SLC26A7: variants seen among roughly 807,000 people sequenced by gnomAD.
SLC26A7 encodes the protein solute carrier family 26 member 7, also known as anion exchange transporter.
SLC26A7 carries 59 observed loss-of-function variants against 82.5 expected under a neutral mutation model. The observed-to-expected ratio is 0.72, with a 90% CI of 0.58 to 0.89. The LOEUF (loss-of-function observed/expected upper bound fraction) is 0.89. Ranked by LOEUF, SLC26A7 falls within the 40% of genes least tolerant of loss-of-function variation. The probability of loss-of-function intolerance (pLI) is 0.00; values close to 1 mark genes in which losing one functional copy is unlikely to be tolerated. For synonymous variants in SLC26A7, 271 were observed against 274.3 expected (o/e 0.99, Z 0.12); for missense variants, 820 against 793.0 (o/e 1.03, Z -0.41).
chr8:91,371,885 A>G (rs1814373186), intron 15 of SLC26A7, among the ~76,000 whole-genome samples: 1 of 151,940 alleles, frequency 6.6e-6, no homozygotes, highest in Admixed American at 6.6e-5. Flanking sequence ...TTTTCTCCAT[A>G]TACTTACCAA....
chr8:91,322,614 C>T (rs1812822949), intron 5 of SLC26A7, among the ~76,000 whole-genome samples: 5 of 152,142 alleles, frequency 3.3e-5, no homozygotes, highest in Non-Finnish European at 5.9e-5. Context: ...ATTCCTAGTT[C>T]GTATTAGCAC....
chr8:91,295,053 G>T (rs1181492775), intron 3 of SLC26A7, among the ~76,000 whole-genome samples: 2 of 152,116 alleles, frequency 1.3e-5, no homozygotes, highest in African/African-American at 2.4e-5. Flanking sequence ...CAGGGAAAAA[G>T]CTGAATTTAC....
intron 4 of SLC26A7, among the ~76,000 whole-genome samples, chr8:91,305,160 A>G (rs1411403065): frequency 3.3e-5 from 5 of 152,174 alleles, no homozygotes; most frequent in African/African-American, 1.2e-4. Context: ...ATGTGAGTTG[A>G]TTAAATTGAA....
At chr8:91,295,725 G>A in intron 4 of SLC26A7, 22 bp downstream of exon 4, 1 of 1,609,894 alleles carries the variant, frequency 6.2e-7, no homozygotes, top group Non-Finnish European at 8.5e-7. Flanking sequence ...TGACACTTGA[G>A]CACAAAGAAA....
At chr8:91,264,980 A>C (rs1390404644) in intron 2 of SLC26A7, among the ~76,000 whole-genome samples, 1 of 151,850 alleles carries the variant, frequency 6.6e-6, no homozygotes. Context: ...TGAACACCAA[A>C]ATTTATTCTC....
chr8:91,315,168 C>G (rs1812593498), intron 4 of SLC26A7, among the ~76,000 whole-genome samples: 1 of 152,178 alleles, frequency 6.6e-6, no homozygotes, highest in Non-Finnish European at 1.5e-5. Flanking sequence ...CTGATGCAAA[C>G]TTTCCAACAT....
chr8:91,266,275 G>A (rs1046573474), intron 2 of SLC26A7, among the ~76,000 whole-genome samples: 2 of 151,730 alleles, frequency 1.3e-5, no homozygotes, highest in African/African-American at 2.4e-5. Flanking sequence ...TGTGAAGAAT[G>A]TCATTGATAT....
chr8:91,306,702 C>G (rs1812318490), intron 4 of SLC26A7, among the ~76,000 whole-genome samples: 1 of 150,148 alleles, frequency 6.7e-6, no homozygotes, highest in South Asian at 2.1e-4. Flanking sequence ...TATGTTGTAT[C>G]CAGATTTCCT....
chr8:91,364,878 T>A (rs1246537661), intron 13 of SLC26A7, among the ~76,000 whole-genome samples: 1 of 152,214 alleles, frequency 6.6e-6, no homozygotes, highest in Non-Finnish European at 1.5e-5. Context: ...ACATGGAGAT[T>A]TTAATTTTAC....
intron 4 of SLC26A7, among the ~76,000 whole-genome samples, chr8:91,296,144 C>T (rs1812010762): frequency 6.6e-6 from 1 of 152,184 alleles, no homozygotes; most frequent in Admixed American, 6.5e-5. Context: ...ACATCAGTAA[C>T]AAATGGTGCT....
rs949220309 is a variant in SLC26A7, at chr8:91,352,991, G to A, written c.1309G>A (p.Asp437Asn). 6 of 1,602,882 alleles carry A rather than the reference G, an allele frequency of 3.7e-6. No individual in the cohort carries two copies. Among genetic ancestry groups the A allele is most frequent in the African/African-American group, 2.7e-5 (2 of 74,462 alleles). Residue 437 changes from aspartate (D) to asparagine (N), a missense_variant, in exon 11 of 19, where the codon GAT becomes AAT. Transcript: ENST00000276609. The part of the protein sequence containing the change: ...LKKYWNVDKI[D>N]WGIWVSTYVF... ...AAAATATTGGAATGTGGATAAAATC[G>A]ATTGGGTAAGTAGAAATTTGACCTA...
intron 11 of SLC26A7, among the ~76,000 whole-genome samples, chr8:91,358,140 A>G (rs368960536): frequency 1.8e-4 from 27 of 152,034 alleles, no homozygotes; most frequent in Non-Finnish European, 2.9e-4. Context: ...GGAGAAACAG[A>G]AACACTTTTA....
chr8:91,329,091 A>T (rs1175774954), intron 5 of SLC26A7, among the ~76,000 whole-genome samples: 1 of 152,140 alleles, frequency 6.6e-6, no homozygotes, highest in East Asian at 1.9e-4. Flanking sequence ...TCTGGGGAGA[A>T]AATGCTGATC....
chr8:91,376,291 T>G (rs1450335293), intron 15 of SLC26A7, among the ~76,000 whole-genome samples: 1 of 152,208 alleles, frequency 6.6e-6, no homozygotes, highest in African/African-American at 2.4e-5. Context: ...GTCAAGACAC[T>G]CTGTCTTTTT....
upstream of SLC26A7, among the ~76,000 whole-genome samples, chr8:91,247,164 CA>C (rs1810555209): frequency 6.6e-6 from 1 of 152,102 alleles, no homozygotes; most frequent in African/African-American, 2.4e-5. Flanking sequence ...GTGATGTAAT[CA>C]AAATGAGATT....
chr8:91,259,996 C>A (rs568071694), intron 2 of SLC26A7, among the ~76,000 whole-genome samples: 52 of 152,080 alleles, frequency 3.4e-4, no homozygotes, highest in Non-Finnish European at 5.9e-4. Flanking sequence ...CTGTTGATAC[C>A]TCTATTTTGT....
intron 9 of SLC26A7, among the ~76,000 whole-genome samples, chr8:91,346,560 A>C (rs1284064548): frequency 1.3e-5 from 2 of 152,174 alleles, no homozygotes; most frequent in Non-Finnish European, 2.9e-5. Context: ...AGGATCAGTG[A>C]TAATCATCTT....
At chr8:91,279,584 C>T (rs916531022) in intron 2 of SLC26A7, among the ~76,000 whole-genome samples, 19 of 152,038 alleles carry the variant, frequency 1.2e-4, no homozygotes, top group African/African-American at 3.9e-4. Flanking sequence ...TTTTTTGAGA[C>T]GGAGTCTCGC....
chr8:91,335,971 A>G (rs1586424843), intron 6 of SLC26A7, among the ~76,000 whole-genome samples: 1 of 151,918 alleles, frequency 6.6e-6, no homozygotes, highest in African/African-American at 2.4e-5. Context: ...ATGTGTGGAC[A>G]CCTCCGTCCT....
Sources: gnomAD v4.1 joint callset for allele counts (sites outside exome capture counted in the v4.1 genomes callset) on GRCh38, gnomAD v4.1.1 for gene constraint, MANE v1.5 for transcripts, NCBI Gene and HGNC (gene_info 2026-07-23, HGNC 2026-07-21) for gene names.